Variants in SMOX observed in about 807,000 individuals in gnomAD.
SMOX encodes the protein flavin containing amine oxidase.
SMOX carries 22 observed loss-of-function variants against 51.0 expected under a neutral mutation model. That is an observed-to-expected ratio of 0.43 (90% CI 0.31 to 0.62). The LOEUF (loss-of-function observed/expected upper bound fraction) is 0.62, where lower values mean the gene tolerates loss of function less well. Ranked by LOEUF, SMOX falls within the 20% of genes least tolerant of loss-of-function variation. The probability of loss-of-function intolerance (pLI) is 0.10; values close to 1 mark genes in which losing one functional copy is unlikely to be tolerated. For missense variants in SMOX, 566 were observed against 777.7 expected, an observed-to-expected ratio of 0.73 and a Z score of 3.24; for synonymous variants, 282 against 307.8, an observed-to-expected ratio of 0.92 and a Z score of 0.88.
rs756634437 is a variant in SMOX at position 4,182,673 on chromosome 20, C to T, written c.1194C>T (p.Thr398=). Residue 398 remains threonine (T), a synonymous_variant, in exon 5 of 7, where the codon ACC becomes ACT. Coordinates refer to ENST00000305958, the MANE Select transcript of SMOX (RefSeq NM_175839.3). The surrounding 1 kb of genome is among the most constrained non-coding windows in gnomAD (Gnocchi z 8.4). ...WEDEAESHTL[T]YPPELWYRKI... ...ACGAAGCAGAGAGCCACACCCTCACCTACCCACCTGAGCTCTGGTACCGCA... is the reference window on the plus strand; with the variant it reads ...ACGAAGCAGAGAGCCACACCCTCACTTACCCACCTGAGCTCTGGTACCGCA... The T allele has an allele frequency of 6.2e-7, 1 of 1,614,152 alleles. No individual in the cohort carries two copies. The highest frequency in any genetic ancestry group is 1.7e-5 in the Admixed American group (1 of 60,024).
intron 1 of SMOX, among the ~76,000 whole-genome samples, chr20:4,150,892 C>A (rs562440540): frequency 2.1e-5 from 3 of 140,092 alleles, no homozygotes; most frequent in Non-Finnish European, 3.0e-5. Flanking sequence ...AGTGCAATGA[C>A]GTGATCTTGG....
chr20:4,178,054 G>GT (rs1488421152), intron 3 of SMOX, among the ~76,000 whole-genome samples: 2 of 152,140 alleles, frequency 1.3e-5, no homozygotes, highest in Non-Finnish European at 2.9e-5. Flanking sequence ...GTTGTTGTTT[G>GT]TTTTTGAGAT....
chr20:4,168,554 C>T (rs1252008214), intron 1 of SMOX, among the ~76,000 whole-genome samples: 1 of 151,456 alleles, frequency 6.6e-6, no homozygotes, highest in Non-Finnish European at 1.5e-5. Flanking sequence ...TTGTCTCTCT[C>T]TCTCTCTTTT....
chr20:4,166,169 AGTT>A lies in SMOX; in HGVS notation c.-26-8859_-26-8857del, dbSNP rs1332283097. 6.6e-6 allele frequency among the ~76,000 whole-genome samples: 1 copy of A among 152,054 alleles called. No individual in the cohort carries two copies. Among genetic ancestry groups the A allele is most frequent in the Non-Finnish European group, 1.5e-5 (1 of 68,020 alleles). On this transcript the variant is annotated intron_variant, in intron 1 of 6. Transcript: ENST00000305958. The surrounding 1 kb of genome is among the most constrained non-coding windows in gnomAD (Gnocchi z 4.2). ...GTGATCTATTGTCAGAGTGTGATCGAGTTGCTAATTTTTGCTGAAGGTGGGACC... is the reference window on the plus strand; with the variant it reads ...GTGATCTATTGTCAGAGTGTGATCGAGCTAATTTTTGCTGAAGGTGGGACC...
rs1271252245 is a variant in SMOX at position 4,183,109 on chromosome 20, C to T, written c.1369+261C>T. 1.7e-5 allele frequency: 10 copies of T among 593,786 alleles called. No homozygotes were observed. Among genetic ancestry groups the T allele is most frequent in the East Asian group, 5.8e-5 (2 of 34,482 alleles). The allele number at this position is 593,786 out of a possible 1,614,324, so 36.8% of individuals were successfully genotyped here. ...TGATGGTAAAACACTCAGAGATCAC[C>T]GCCCATTGTGCTCTGTTGCTAAGAG... On this transcript the variant is annotated intron_variant, in intron 5 of 6. Coordinates refer to ENST00000305958, the MANE Select transcript of SMOX (RefSeq NM_175839.3). This position sits in a 1 kb window ranked among gnomAD's most constrained non-coding sequence, Gnocchi z 4.3.
Position 4,182,515 on chromosome 20 carries a change from C to T in SMOX, c.1036C>T (p.Arg346Trp), listed in dbSNP as rs976528719. Reference sequence around the variant, plus strand: ...AAAGAGGCAGTACACCAGTTTCTTCCGGCCAGGCCTGCCCACAGAGAAGGT... The same window carrying T: ...AAAGAGGCAGTACACCAGTTTCTTCTGGCCAGGCCTGCCCACAGAGAAGGT... ...VLKRQYTSFFRPGLPTEKVAA... is the reference protein window; with the variant it reads ...VLKRQYTSFFWPGLPTEKVAA... Residue 346 changes from arginine (R) to tryptophan (W), a missense_variant, in exon 5 of 7, where the codon CGG (arginine) becomes TGG (tryptophan). Arg to Trp is a moderately radical substitution (Grantham distance 101). This residue lies in a region of SMOX where 347 missense variants were observed against 481.8 expected (regional missense o/e 0.72). Coordinates refer to ENST00000305958, the MANE Select transcript of SMOX (RefSeq NM_175839.3). This position sits in a 1 kb window ranked among gnomAD's most constrained non-coding sequence, Gnocchi z 8.4. 7.5e-6 allele frequency: 12 copies of T among 1,609,600 alleles called. No individual in the cohort carries two copies. Among genetic ancestry groups the T allele is most frequent in the Middle Eastern group, 1.7e-4 (1 of 6,056 alleles).
chr20:4,157,323 T>C (rs1396901867), intron 1 of SMOX, among the ~76,000 whole-genome samples: 2 of 152,146 alleles, frequency 1.3e-5, no homozygotes, highest in Non-Finnish European at 2.9e-5. Context: ...GAGGGCCCTG[T>C]CATCGTGGAC....
chr20:4,181,773 G>C lies in SMOX; in HGVS notation c.436-30G>C. ...GTTTGAGATGGAGGTGTGATGAGGT[G>C]TTTTCAGTCTCATGGGGTCTCTCTG... On this transcript the variant is annotated intron_variant, in intron 3 of 6. Transcript: ENST00000305958. The surrounding 1 kb of genome is among the most constrained non-coding windows in gnomAD (Gnocchi z 5.6). The C allele has an allele frequency of 6.2e-7, 1 of 1,607,106 alleles. No homozygotes were observed. The highest frequency in any genetic ancestry group is 1.1e-5 in the South Asian group (1 of 89,828).
At position 4,153,161 on chromosome 20, in the gene SMOX, G is replaced by A. The variant is rs1304979355; in HGVS notation, c.-27+4184G>A. On this transcript the variant is annotated intron_variant, in intron 1 of 6. Transcript: ENST00000305958. The surrounding 1 kb of genome is among the most constrained non-coding windows in gnomAD (Gnocchi z 4.4). ...CACTTTTTCTTCCAGGAGGGGCTCC[G>A]GACCCAGGCCAATGGGTTGGGCATC... 2.0e-5 allele frequency among the ~76,000 whole-genome samples: 3 copies of A among 152,126 alleles called. No homozygotes were observed. Among genetic ancestry groups the A allele is most frequent in the African/African-American group, 4.8e-5 (2 of 41,428 alleles).
chr20:4,168,067 G>T (rs1376231971), intron 1 of SMOX, among the ~76,000 whole-genome samples: 1 of 132,186 alleles, frequency 7.6e-6, no homozygotes, highest in East Asian at 2.6e-4. Flanking sequence ...CAGCTCCCCA[G>T]CTTCCCTCCC....
intron 1 of SMOX, among the ~76,000 whole-genome samples, chr20:4,158,184 G>A (rs915011298): frequency 5.3e-5 from 8 of 152,294 alleles, no homozygotes; most frequent in African/African-American, 1.9e-4. Context: ...ACAGGTGTGA[G>A]CCACAGCGCC....
rs1414477207 is a variant in SMOX, at chr20:4,177,322, C to T, written c.209-29C>T. On this transcript the variant is annotated intron_variant, in intron 2 of 6. Coordinates refer to ENST00000305958, the MANE Select transcript of SMOX (RefSeq NM_175839.3). The surrounding 1 kb of genome is among the most constrained non-coding windows in gnomAD (Gnocchi z 4.3). Reference sequence around the variant, plus strand: ...GCCCTCTCTGGAGAAGTCCCTAAGCCTCTAAGGGCCTGCTGTTGTCACCCT... The same window carrying T: ...GCCCTCTCTGGAGAAGTCCCTAAGCTTCTAAGGGCCTGCTGTTGTCACCCT... 4 of 1,543,570 alleles carry T rather than the reference C, an allele frequency of 2.6e-6. No homozygotes were observed. Among genetic ancestry groups the T allele is most frequent in the Non-Finnish European group, 3.5e-6 (4 of 1,140,022 alleles).
chr20:4,162,280 C>T (rs370027893), intron 1 of SMOX, among the ~76,000 whole-genome samples: 6 of 152,326 alleles, frequency 3.9e-5, no homozygotes, highest in South Asian at 2.1e-4. Context: ...CGGGGTGAGG[C>T]GGCTGCCACA....
Position 4,153,303 on chromosome 20 carries a change from T to TCATCTGCCTGTAAAATGGGAAC in SMOX, c.-27+4346_-27+4347insACCATCTGCCTGTAAAATGGGA, listed in dbSNP as rs1039856245. Reference sequence around the variant, plus strand: ...CCTTCTGGGTTTAGCATTGCCCTCGTCATCTGCCTGTAAAATGGGATTAGA... The same window carrying TCATCTGCCTGTAAAATGGGAAC: ...CCTTCTGGGTTTAGCATTGCCCTCGTCATCTGCCTGTAAAATGGGAACCATCTGCCTGTAAAATGGGATTAGA... On this transcript the variant is annotated intron_variant, in intron 1 of 6. Transcript: ENST00000305958. The surrounding 1 kb of genome is among the most constrained non-coding windows in gnomAD (Gnocchi z 4.4). 9.1e-4 allele frequency among the ~76,000 whole-genome samples: 138 copies of TCATCTGCCTGTAAAATGGGAAC among 152,338 alleles called. No individual in the cohort carries two copies. Among genetic ancestry groups the TCATCTGCCTGTAAAATGGGAAC allele is most frequent in the East Asian group, 2.7e-3 (14 of 5,186 alleles).
chr20:4,165,049 G>A (rs1053301370), intron 1 of SMOX, among the ~76,000 whole-genome samples: 127 of 87,352 alleles, frequency 1.5e-3, no homozygotes, highest in Middle Eastern at 0.024. Context: ...TAGCTAAGTT[G>A]TTTTTTTTTT....
In SMOX at chr20:4,177,178, C is replaced by T. The variant is rs181370991; in HGVS notation, c.209-173C>T. Among the ~76,000 whole-genome samples, 1 of 152,292 alleles carries T rather than the reference C, an allele frequency of 6.6e-6. No individual in the cohort carries two copies. Among genetic ancestry groups the T allele is most frequent in the African/African-American group, 2.4e-5 (1 of 41,554 alleles). The stretch of plus-strand genomic sequence containing the variant: ...GTTATCTTAGCTATAAGGTGGTTTT[C>T]AGTGGGAACTTTTCACTGAGGACCT... On this transcript the variant is annotated intron_variant, in intron 2 of 6. Transcript: ENST00000305958. The surrounding 1 kb of genome is among the most constrained non-coding windows in gnomAD (Gnocchi z 4.3).
chr20:4,177,728 C>CCTG lies in SMOX; in HGVS notation c.435+151_435+152insCTG. On this transcript the variant is annotated intron_variant, in intron 3 of 6. Coordinates refer to ENST00000305958, the MANE Select transcript of SMOX (RefSeq NM_175839.3). The surrounding 1 kb of genome is among the most constrained non-coding windows in gnomAD (Gnocchi z 4.3). Reference sequence around the variant, plus strand: ...AATGAAAATATTCAGTGGGATAGAACTGATTTTTATATATTGATTTGTTAG... The same window carrying CCTG: ...AATGAAAATATTCAGTGGGATAGAACCTGTGATTTTTATATATTGATTTGTTAG... The CCTG allele has an allele frequency of 1.5e-6, 1 of 646,662 alleles. No individual in the cohort carries two copies. Among genetic ancestry groups the CCTG allele is most frequent in the Non-Finnish European group, 2.6e-6 (1 of 389,662 alleles). The allele number at this position is 646,662 out of a possible 1,614,324, so 40.1% of individuals were successfully genotyped here. A position where few individuals can be genotyped will look rare whatever the true frequency, so the allele number is the denominator to read the frequency against.
chr20:4,182,282 A>C lies in SMOX; in HGVS notation c.803A>C (p.Gln268Pro). The C allele has an allele frequency of 6.2e-7, 1 of 1,611,250 alleles. No individual in the cohort carries two copies. Among genetic ancestry groups the C allele is most frequent in the East Asian group, 2.2e-5 (1 of 44,750 alleles). Residue 268 changes from glutamine (Q) to proline (P), a missense_variant, in exon 5 of 7, where the codon CAG becomes CCG. Transcript: ENST00000305958. This position sits in a 1 kb window ranked among gnomAD's most constrained non-coding sequence, Gnocchi z 8.4. ...GKPVRCIHWDQASARPRGPEI... is the reference protein window; with the variant it reads ...GKPVRCIHWDPASARPRGPEI... ...CCTGTCCGCTGCATTCACTGGGACC[A>C]GGCCTCAGCCCGCCCCAGAGGCCCT...
chr20:4,183,521 G>A lies in SMOX; in HGVS notation c.1397G>A (p.Arg466Gln). ...AACCCCAACATTCCAAAACCTCGGC[G>A]AATCTTGCGCTCGGCCTGGGGCAGC... Reference protein sequence around the residue: ...TGNPNIPKPRRILRSAWGSNP... With the variant: ...TGNPNIPKPRQILRSAWGSNP... Residue 466 changes from arginine (R) to glutamine (Q), a missense_variant, in exon 6 of 7, where the codon CGA (arginine) becomes CAA (glutamine). Arg to Gln is a conservative substitution (Grantham distance 43). Transcript: ENST00000305958. The surrounding 1 kb of genome is among the most constrained non-coding windows in gnomAD (Gnocchi z 4.3). 6.8e-6 allele frequency: 11 copies of A among 1,614,182 alleles called. No homozygotes were observed. Among genetic ancestry groups the A allele is most frequent in the Non-Finnish European group, 9.3e-6 (11 of 1,180,038 alleles).
Sources: gnomAD v4.1 joint callset for allele counts (sites outside exome capture counted in the v4.1 genomes callset) on GRCh38, gnomAD v4.1.1 for gene constraint, gnomAD v4.1.1 regional missense constraint, Gnocchi (gnomAD v3.1) non-coding constraint, MANE v1.5 for transcripts, NCBI Gene and HGNC (gene_info 2026-07-23, HGNC 2026-07-21) for gene names.